Variants in CERS6 observed in about 807,000 individuals in gnomAD.
CERS6 encodes the protein LAG1 homolog, ceramide synthase 6.
A neutral mutation model predicts 56.8 loss-of-function variants in CERS6; 26 were observed. That is an observed-to-expected ratio of 0.46 (90% CI 0.34 to 0.63). The LOEUF (loss-of-function observed/expected upper bound fraction) is 0.63, where lower values mean the gene tolerates loss of function less well. Among genes scored for constraint, CERS6 ranks in the 30% least tolerant of loss-of-function variants. The pLI, the probability that CERS6 is intolerant of heterozygous loss-of-function variation, is 0.01. For synonymous variants in CERS6, 164 were observed against 173.3 expected (o/e 0.95, Z 0.42); for missense variants, 415 against 467.5 (o/e 0.89, Z 1.04).
intron 3 of CERS6, among the ~76,000 whole-genome samples, chr2:168,580,565 A>G (rs889770224): frequency 2.0e-5 from 3 of 152,136 alleles, no homozygotes; most frequent in Admixed American, 2.0e-4. Flanking sequence ...ACCTTAAACA[A>G]CAGAGACAAT....
intron 8 of CERS6, among the ~76,000 whole-genome samples, chr2:168,750,102 A>G (rs1412004005): frequency 1.3e-5 from 2 of 152,190 alleles, no homozygotes; most frequent in Non-Finnish European, 2.9e-5. Context: ...TGCGTGTCCT[A>G]TGGAAAGCTG....
intron 4 of CERS6, among the ~76,000 whole-genome samples, chr2:168,678,135 G>C (rs750657741): frequency 6.6e-6 from 1 of 152,202 alleles, no homozygotes; most frequent in Non-Finnish European, 1.5e-5. Flanking sequence ...AGTCAGTGTG[G>C]CAGCACCATT....
At position 168,631,036 on chromosome 2, in the gene CERS6, G is replaced by GA; in HGVS notation, c.464dup (p.Thr156AspfsTer22). The GA allele has an allele frequency of 6.7e-7, 1 of 1,495,558 alleles. No homozygotes were observed. Among genetic ancestry groups the GA allele is most frequent in the Non-Finnish European group, 9.2e-7 (1 of 1,092,270 alleles). The allele number at this position is 1,495,558 out of a possible 1,614,324, so 92.6% of individuals were successfully genotyped here. A position where few individuals can be genotyped will look rare whatever the true frequency, so the allele number is the denominator to read the frequency against. Reference sequence around the variant, plus strand: ...TATTTACCTACGGAGTCAGATTCCTGAAAAAGGTAGGATCTCTCAAACTAT... The same window carrying GA: ...TATTTACCTACGGAGTCAGATTCCTGAAAAAAGGTAGGATCTCTCAAACTAT... On this transcript the variant is annotated frameshift_variant, in exon 4 of 10. Transcript: ENST00000305747. LOFTEE classifies it high-confidence loss of function.
chr2:168,476,422 G>A (rs1025794831), intron 1 of CERS6, among the ~76,000 whole-genome samples: 2 of 152,146 alleles, frequency 1.3e-5, no homozygotes, highest in South Asian at 2.1e-4. Context: ...AAGTATATAT[G>A]TCTTAGGGTT....
chr2:168,629,850 CTG>C (rs1334515302), intron 3 of CERS6, among the ~76,000 whole-genome samples: 4 of 151,804 alleles, frequency 2.6e-5, no homozygotes, highest in Non-Finnish European at 4.4e-5. Context: ...GAGTCTCACT[CTG>C]TTGCCCAGGC....
intron 1 of CERS6, among the ~76,000 whole-genome samples, chr2:168,473,298 A>T (rs1694010468): frequency 1.3e-5 from 2 of 152,052 alleles, no homozygotes; most frequent in African/African-American, 4.8e-5. Flanking sequence ...CTGTAATCTT[A>T]AAAAAATTTA....
intron 4 of CERS6, among the ~76,000 whole-genome samples, chr2:168,662,404 A>G (rs1685653395): frequency 6.6e-6 from 1 of 152,114 alleles, no homozygotes; most frequent in Admixed American, 6.5e-5. Context: ...GGAGACAGGC[A>G]GTGTCTGAAG....
chr2:168,487,352 C>T (rs546158866), intron 1 of CERS6, among the ~76,000 whole-genome samples: 4 of 152,346 alleles, frequency 2.6e-5, no homozygotes, highest in South Asian at 4.1e-4. Context: ...ATCTCCTTGT[C>T]TCTCTCCTCT....
chr2:168,743,174 G>A lies in CERS6; in HGVS notation c.846-22418G>A, dbSNP rs1261124506. ...TATATATATATATATGTATGTATGT[G>A]TGTGTGTATGTGTGTGTGTATATAT... On this transcript the variant is annotated intron_variant, in intron 8 of 9. Transcript: ENST00000305747. Among the ~76,000 whole-genome samples the A allele has an allele frequency of 2.7e-3, 412 of 149,988 alleles. 1 individual carries two copies. The highest frequency in any genetic ancestry group is 9.4e-3 in the African/African-American group (384 of 40,906).
chr2:168,765,106 A>G (rs1050852474), intron 8 of CERS6, among the ~76,000 whole-genome samples: 2 of 152,232 alleles, frequency 1.3e-5, no homozygotes, highest in Admixed American at 6.5e-5. Context: ...ACAAAAGGAC[A>G]AATACTATAT....
intron 8 of CERS6, among the ~76,000 whole-genome samples, chr2:168,736,929 G>A (rs142127798): frequency 2.2e-4 from 33 of 152,216 alleles, no homozygotes; most frequent in Admixed American, 3.3e-4. Context: ...AGGCTCTCTC[G>A]CCTCTGGTCC....
chr2:168,712,407 T>C (rs543589699), intron 6 of CERS6, among the ~76,000 whole-genome samples: 21 of 152,316 alleles, frequency 1.4e-4, no homozygotes, highest in African/African-American at 4.3e-4. Flanking sequence ...TAGCCCTGTT[T>C]CATTTTCATG....
chr2:168,614,310 T>C (rs1165831707), intron 3 of CERS6, among the ~76,000 whole-genome samples: 1 of 152,234 alleles, frequency 6.6e-6, no homozygotes, highest in African/African-American at 2.4e-5. Context: ...CATATACACA[T>C]GTATAAACAT....
intron 8 of CERS6, among the ~76,000 whole-genome samples, chr2:168,719,564 C>G (rs1687308484): frequency 6.6e-6 from 1 of 152,188 alleles, no homozygotes; most frequent in Non-Finnish European, 1.5e-5. Flanking sequence ...TTGTTTTCAA[C>G]CCATTTCTTT....
At chr2:168,675,017 C>T (rs950433441) in intron 4 of CERS6, among the ~76,000 whole-genome samples, 36 of 151,806 alleles carry the variant, frequency 2.4e-4, no homozygotes, top group Middle Eastern at 3.4e-3. Flanking sequence ...TGCTGTGTCG[C>T]CAGGCTGGAG....
chr2:168,466,414 G>C lies in CERS6; in HGVS notation c.170+9796G>C, dbSNP rs181145747. On this transcript the variant is annotated intron_variant, in intron 1 of 9. Transcript: ENST00000305747. ...CAGGTATATCCTATGGAAGCTCTGG[G>C]TGAGTGAAGATCAGATTTCATCTTC... Among the ~76,000 whole-genome samples the C allele has an allele frequency of 1.2e-3, 181 of 152,254 alleles. 1 individual carries two copies. Among genetic ancestry groups the C allele is most frequent in the African/African-American group, 4.2e-3 (173 of 41,542 alleles).
intron 1 of CERS6, among the ~76,000 whole-genome samples, chr2:168,533,241 C>G (rs903266915): frequency 1.3e-5 from 2 of 152,080 alleles, no homozygotes; most frequent in East Asian, 3.8e-4. Flanking sequence ...GTGTCTCTGC[C>G]AGGTTTTGGT....
chr2:168,760,395 G>A (rs1030187919), intron 8 of CERS6, among the ~76,000 whole-genome samples: 1 of 152,074 alleles, frequency 6.6e-6, no homozygotes, highest in African/African-American at 2.4e-5. Context: ...TATATTTGCC[G>A]GCAGCTGATT....
intron 4 of CERS6, among the ~76,000 whole-genome samples, chr2:168,672,202 C>CT (rs1371644779): frequency 6.6e-6 from 1 of 152,218 alleles, no homozygotes; most frequent in East Asian, 1.9e-4. Context: ...ATACCTTGGC[C>CT]TAAAGGCTGA....
Sources: allele counts gnomAD v4.1 joint callset (sites outside exome capture counted in the v4.1 genomes callset), GRCh38; gene constraint gnomAD v4.1.1; transcripts MANE v1.5; gene names NCBI Gene and HGNC (gene_info 2026-07-23, HGNC 2026-07-21).